The following PLCB1 variants were observed in gnomAD, a reference collection of about 807,000 sequenced individuals.
PLCB1 encodes the protein phospholipase C beta 1.
In PLCB1, 46 loss-of-function variants were observed where a neutral mutation model predicts 161.8. The ratio of observed to expected loss-of-function variants is 0.28; its 90% CI spans 0.22 to 0.36. The LOEUF (loss-of-function observed/expected upper bound fraction) is 0.36. PLCB1 is among the 10% of genes least tolerant of loss of function. The probability of loss-of-function intolerance (pLI) is 1.00; values close to 1 mark genes in which losing one functional copy is unlikely to be tolerated. For missense variants in PLCB1, 1,016 were observed against 1,472.5 expected (o/e 0.69, Z 5.07); for synonymous variants, 517 against 503.7 (o/e 1.03, Z -0.35).
At chr20:8,673,558 C>T in intron 9 of PLCB1, among the ~76,000 whole-genome samples, 1 of 152,308 alleles carries the variant, frequency 6.6e-6, no homozygotes, top group East Asian at 1.9e-4. Flanking sequence ...TACCGTTAGT[C>T]AGTGCCAGCG....
chr20:8,293,836 A>G, intron 2 of PLCB1, among the ~76,000 whole-genome samples: 1 of 152,156 alleles, frequency 6.6e-6, no homozygotes, highest in South Asian at 2.1e-4. Flanking sequence ...CAAGGATGAC[A>G]CCATTTCCCA....
At chr20:8,517,197 C>G (rs929172207) in intron 3 of PLCB1, among the ~76,000 whole-genome samples, 1 of 152,106 alleles carries the variant, frequency 6.6e-6, no homozygotes, top group African/African-American at 2.4e-5. Flanking sequence ...ACCTAAAGAG[C>G]TAGACACTGA....
At chr20:8,632,342 T>G (rs1988627748) in intron 4 of PLCB1, among the ~76,000 whole-genome samples, 1 of 152,064 alleles carries the variant, frequency 6.6e-6, no homozygotes, top group East Asian at 1.9e-4. Context: ...AATGAAGAAC[T>G]TGGATTCGTT....
intron 31 of PLCB1, among the ~76,000 whole-genome samples, chr20:8,844,273 C>T (rs1483193994): frequency 6.6e-6 from 1 of 152,152 alleles, no homozygotes; most frequent in African/African-American, 2.4e-5. Flanking sequence ...AATGTCTTTG[C>T]AGGGTTTAGT....
chr20:8,441,474 A>G (rs1249654174), intron 3 of PLCB1, among the ~76,000 whole-genome samples: 2 of 152,242 alleles, frequency 1.3e-5, no homozygotes, highest in Non-Finnish European at 2.9e-5. Context: ...AGATAATCTG[A>G]TCACAAAGTA....
intron 3 of PLCB1, among the ~76,000 whole-genome samples, chr20:8,483,912 A>G (rs1982611524): frequency 6.6e-6 from 1 of 152,226 alleles, no homozygotes; most frequent in African/African-American, 2.4e-5. Context: ...GAAAATTAAG[A>G]ACAAGGAAAA....
At chr20:8,506,965 C>T (rs1983660125) in intron 3 of PLCB1, among the ~76,000 whole-genome samples, 1 of 152,144 alleles carries the variant, frequency 6.6e-6, no homozygotes. Context: ...CCACTTATAA[C>T]TCTTGACTCC....
intron 27 of PLCB1, among the ~76,000 whole-genome samples, chr20:8,776,298 A>T (rs1982940602): frequency 6.6e-6 from 1 of 152,200 alleles, no homozygotes; most frequent in South Asian, 2.1e-4. Flanking sequence ...TTTCCCAAGG[A>T]TCCACAACTG....
chr20:8,504,933 C>T (rs563577615), intron 3 of PLCB1, among the ~76,000 whole-genome samples: 2 of 152,286 alleles, frequency 1.3e-5, no homozygotes, highest in South Asian at 4.1e-4. Context: ...AGTGGAACGA[C>T]ATTGGCTTAT....
chr20:8,622,989 C>A (rs546172043), intron 3 of PLCB1, among the ~76,000 whole-genome samples: 268 of 152,260 alleles, frequency 1.8e-3, no homozygotes, highest in African/African-American at 6.4e-3. Flanking sequence ...TTTTCTTGGT[C>A]CAAGGACTGT....
intron 7 of PLCB1, chr20:8,651,354 T>G: frequency 1.5e-6 from 1 of 686,200 alleles, no homozygotes; most frequent in Admixed American, 2.2e-5. Flanking sequence ...CATTAACAAC[T>G]TTGGTGGGTC....
chr20:8,684,411 C>T (rs899016721), intron 9 of PLCB1, among the ~76,000 whole-genome samples: 8 of 151,770 alleles, frequency 5.3e-5, no homozygotes, highest in Admixed American at 2.6e-4. Context: ...GCCCACCATG[C>T]CCGGGTTAAT....
chr20:8,851,487 G>A (rs1986882471), intron 31 of PLCB1, among the ~76,000 whole-genome samples: 1 of 152,144 alleles, frequency 6.6e-6, no homozygotes, highest in African/African-American at 2.4e-5. Flanking sequence ...TCAACTTTCA[G>A]TTCGAAGTGC....
At chr20:8,598,448 C>CA (rs1429667263) in intron 3 of PLCB1, among the ~76,000 whole-genome samples, 2 of 150,576 alleles carry the variant, frequency 1.3e-5, no homozygotes, top group African/African-American at 4.8e-5. Context: ...AGTTTGATTG[C>CA]ACTGTGGTCT....
chr20:8,632,489 A>G (rs77609983), intron 4 of PLCB1, among the ~76,000 whole-genome samples: 22,051 of 152,186 alleles, frequency 0.14, 1,583 homozygotes, highest in Middle Eastern at 0.21. Context: ...TGTGGGAGAC[A>G]CAATAAGTAA....
intron 2 of PLCB1, among the ~76,000 whole-genome samples, chr20:8,369,453 C>T (rs1181003454): frequency 6.6e-6 from 1 of 152,238 alleles, no homozygotes; most frequent in Non-Finnish European, 1.5e-5. Flanking sequence ...GAAACCTGGA[C>T]ATATGCTTGA....
intron 2 of PLCB1, among the ~76,000 whole-genome samples, chr20:8,300,461 T>C (rs961876908): frequency 6.6e-6 from 1 of 151,992 alleles, no homozygotes; most frequent in Non-Finnish European, 1.5e-5. Context: ...CTCCCCAAAT[T>C]AGAGTCTCAC....
At chr20:8,582,631 T>C (rs74439470) in intron 3 of PLCB1, among the ~76,000 whole-genome samples, 4,024 of 152,246 alleles carry the variant, frequency 0.026, 86 homozygotes, top group South Asian at 0.05. Flanking sequence ...CAAATATCCA[T>C]TGATGGATGA....
chr20:8,337,796 CG>C (rs1358596815), intron 2 of PLCB1, among the ~76,000 whole-genome samples: 2 of 152,090 alleles, frequency 1.3e-5, no homozygotes, highest in Non-Finnish European at 2.9e-5. Context: ...TTTTCCAAAG[CG>C]GTTTATCTTC....
Sources: gnomAD v4.1 joint callset for allele counts (sites outside exome capture counted in the v4.1 genomes callset) on GRCh38, gnomAD v4.1.1 for gene constraint, MANE v1.5 for transcripts, NCBI Gene and HGNC (gene_info 2026-07-23, HGNC 2026-07-21) for gene names.